Variants in CHRM3 observed in about 807,000 individuals in gnomAD.
CHRM3 encodes the protein muscarinic acetylcholine receptor M3.
Under a neutral mutation model 41.8 loss-of-function variants are expected in CHRM3, and 11 were observed. That is an observed-to-expected ratio of 0.26 (90% CI 0.17 to 0.44). The LOEUF (loss-of-function observed/expected upper bound fraction) is 0.44, where lower values mean the gene tolerates loss of function less well. CHRM3 is among the 20% of genes least tolerant of loss of function. The probability of loss-of-function intolerance (pLI) is 1.00; values close to 1 mark genes in which losing one functional copy is unlikely to be tolerated. For synonymous variants in CHRM3, 297 were observed against 301.4 expected, an observed-to-expected ratio of 0.99 and a Z score of 0.15; for missense variants, 571 against 745.4, an observed-to-expected ratio of 0.77 and a Z score of 2.72.
At chr1:239,489,209 C>T (rs1457574356) in intron 1 of CHRM3, among the ~76,000 whole-genome samples, 3 of 152,060 alleles carry the variant, frequency 2.0e-5, no homozygotes, top group South Asian at 2.1e-4. Context: ...GTTAGGAGTT[C>T]GAAACCAGCC....
intron 4 of CHRM3, among the ~76,000 whole-genome samples, chr1:239,663,034 C>A (rs1673421418): frequency 6.6e-6 from 1 of 150,518 alleles, no homozygotes; most frequent in South Asian, 2.1e-4. Context: ...TTTTCTTCTT[C>A]TTTTTCTTCT....
Position 239,907,763 on chromosome 1 carries a change from C to T in CHRM3, c.312C>T (p.Asn104=). 6.2e-7 allele frequency: 1 copy of T among 1,614,208 alleles called. No individual in the cohort carries two copies. Among genetic ancestry groups the T allele is most frequent in the Non-Finnish European group, 8.5e-7 (1 of 1,180,048 alleles). ...KVNKQLKTVN[N]YFLLSLACAD... ...ACAAGCAGCTGAAGACGGTCAACAA[C>T]TACTTCCTCTTAAGCCTGGCCTGTG... The change falls in exon 7 of 7, where the codon AAC becomes AAT. Residue 104 remains asparagine (N), a synonymous_variant. Transcript: ENST00000676153. The surrounding 1 kb of genome is among the most constrained non-coding windows in gnomAD (Gnocchi z 5.4).
intron 6 of CHRM3, among the ~76,000 whole-genome samples, chr1:239,881,058 C>T (rs1572577635): frequency 6.6e-6 from 1 of 151,864 alleles, no homozygotes; most frequent in African/African-American, 2.4e-5. Context: ...CCGAGGTGGG[C>T]GGATCACGAG....
intron 1 of CHRM3, among the ~76,000 whole-genome samples, chr1:239,402,692 T>C (rs1048934256): frequency 5.9e-5 from 9 of 152,116 alleles, no homozygotes; most frequent in African/African-American, 2.2e-4. Context: ...CTCAGGAAAA[T>C]ATGGTCGTCC....
chr1:239,451,919 C>A (rs915537191), intron 1 of CHRM3, among the ~76,000 whole-genome samples: 2 of 151,928 alleles, frequency 1.3e-5, no homozygotes, highest in African/African-American at 2.4e-5. Flanking sequence ...GATTAAAATG[C>A]AATATATTTT....
intron 1 of CHRM3, among the ~76,000 whole-genome samples, chr1:239,486,329 C>T (rs2148032252): frequency 6.6e-6 from 1 of 152,258 alleles, no homozygotes; most frequent in Admixed American, 6.5e-5. Flanking sequence ...ATCATAGTGC[C>T]TTCTGGGGAC....
chr1:239,766,672 T>TATATAGATATAGATATAGATATAG lies in CHRM3; in HGVS notation c.-146-60556_-146-60533dup, dbSNP rs71166890. 3.4e-3 allele frequency among the ~76,000 whole-genome samples: 501 copies of TATATAGATATAGATATAGATATAG among 145,618 alleles called. 3 individuals are homozygous for TATATAGATATAGATATAGATATAG. The highest frequency in any genetic ancestry group is 8.1e-3 in the East Asian group (40 of 4,908). ...TATAGATGATAGATATGGATATAGA[T>TATATAGATATAGATATAGATATAG]ATATAGATATAGATATAGATATAGA... On this transcript the variant is annotated intron_variant, in intron 5 of 6. Coordinates refer to ENST00000676153, the MANE Select transcript of CHRM3 (RefSeq NM_001375978.1).
intron 3 of CHRM3, among the ~76,000 whole-genome samples, chr1:239,623,162 G>A (rs990947841): frequency 7.2e-5 from 11 of 151,908 alleles, no homozygotes; most frequent in South Asian, 4.1e-4. Context: ...TGTGCACAAC[G>A]TGCAGGTTTG....
chr1:239,391,322 G>A (rs1659017506), intron 1 of CHRM3, among the ~76,000 whole-genome samples: 1 of 152,216 alleles, frequency 6.6e-6, no homozygotes, highest in Non-Finnish European at 1.5e-5. Flanking sequence ...GCATGTGGAT[G>A]TGCTTTTTGA....
chr1:239,745,731 C>G (rs947797153), intron 5 of CHRM3, among the ~76,000 whole-genome samples: 1 of 152,008 alleles, frequency 6.6e-6, no homozygotes, highest in Admixed American at 6.6e-5. Flanking sequence ...AAGATGTTAG[C>G]CATATCATAT....
chr1:239,609,060 TCAA>T (rs1440331212), intron 3 of CHRM3, among the ~76,000 whole-genome samples: 1 of 152,172 alleles, frequency 6.6e-6, no homozygotes, highest in African/African-American at 2.4e-5. Context: ...GTGAAAATCA[TCAA>T]CAAAAGCAAG....
chr1:239,601,521 G>A (rs1223957814), intron 3 of CHRM3, among the ~76,000 whole-genome samples: 1 of 151,758 alleles, frequency 6.6e-6, no homozygotes, highest in Non-Finnish European at 1.5e-5. Context: ...GGGCCTATTA[G>A]AGTTTTATAG....
At chr1:239,431,892 C>G (rs1662862524) in intron 1 of CHRM3, among the ~76,000 whole-genome samples, 1 of 152,098 alleles carries the variant, frequency 6.6e-6, no homozygotes, top group Non-Finnish European at 1.5e-5. Flanking sequence ...CTTAAATCTG[C>G]CAGAGCACTA....
intron 5 of CHRM3, among the ~76,000 whole-genome samples, chr1:239,680,607 C>T (rs1461819651): frequency 6.6e-6 from 1 of 151,942 alleles, no homozygotes; most frequent in South Asian, 2.1e-4. Context: ...TCACAGCTAC[C>T]AAAGTGTGTT....
chr1:239,643,628 A>G (rs1671447006), intron 4 of CHRM3, among the ~76,000 whole-genome samples: 1 of 152,244 alleles, frequency 6.6e-6, no homozygotes, highest in Non-Finnish European at 1.5e-5. Context: ...GGAAAAGTGC[A>G]GTATTCGGGT....
chr1:239,455,405 A>G (rs1397657960), intron 1 of CHRM3, among the ~76,000 whole-genome samples: 4 of 151,736 alleles, frequency 2.6e-5, no homozygotes, highest in African/African-American at 9.7e-5. Context: ...AGGTCCCTCA[A>G]GGGGTGTTCC....
At chr1:239,529,906 A>ATTT (rs1008035806) in intron 2 of CHRM3, among the ~76,000 whole-genome samples, 4 of 150,894 alleles carry the variant, frequency 2.7e-5, no homozygotes, top group African/African-American at 9.7e-5. Context: ...TATTATTATT[A>ATTT]TTTTTTTTTG....
At chr1:239,876,539 A>G (rs1329599004) in intron 6 of CHRM3, among the ~76,000 whole-genome samples, 1 of 152,230 alleles carries the variant, frequency 6.6e-6, no homozygotes, top group East Asian at 1.9e-4. Flanking sequence ...AACTCTCTCT[A>G]TGTCTCTATA....
chr1:239,482,212 A>G (rs190345583), intron 1 of CHRM3, among the ~76,000 whole-genome samples: 66 of 152,146 alleles, frequency 4.3e-4, no homozygotes, highest in African/African-American at 1.5e-3. Context: ...ACATGCTTTT[A>G]TGAGCCACTC....
Sources: allele counts gnomAD v4.1 joint callset (sites outside exome capture counted in the v4.1 genomes callset), GRCh38; gene constraint gnomAD v4.1.1; non-coding constraint Gnocchi (gnomAD v3.1); transcripts MANE v1.5; gene names NCBI Gene and HGNC (gene_info 2026-07-23, HGNC 2026-07-21).